DYM: variants seen among roughly 807,000 people sequenced by gnomAD.
DYM encodes the protein dyggve-Melchior-Clausen syndrome protein.
A neutral mutation model predicts 93.1 loss-of-function variants in DYM; 78 were observed. That is an observed-to-expected ratio of 0.84 (90% CI 0.70 to 1.01). The LOEUF is 1.01. Ranked by LOEUF, DYM falls within the 50% of genes least tolerant of loss-of-function variation. The pLI is 0.00. For synonymous variants in DYM, 321 were observed against 319.7 expected, an observed-to-expected ratio of 1.00 and a Z score of -0.04; for missense variants, 789 against 845.0, an observed-to-expected ratio of 0.93 and a Z score of 0.82.
At chr18:49,164,435 T>A (rs569311780) in intron 14 of DYM, among the ~76,000 whole-genome samples, 5 of 152,108 alleles carry the variant, frequency 3.3e-5, no homozygotes, top group African/African-American at 1.2e-4. Flanking sequence ...ATGAGCCCCA[T>A]AATGGTGAGC....
At chr18:49,161,420 A>G (rs2087114437) in intron 15 of DYM, among the ~76,000 whole-genome samples, 1 of 152,238 alleles carries the variant, frequency 6.6e-6, no homozygotes, top group African/African-American at 2.4e-5. Flanking sequence ...TACATATTCA[A>G]CACATTTTTG....
At chr18:49,441,557 C>G (rs955744026) in intron 1 of DYM, among the ~76,000 whole-genome samples, 1 of 149,842 alleles carries the variant, frequency 6.7e-6, no homozygotes, top group African/African-American at 2.5e-5. Context: ...GCTCCAAGTG[C>G]TATATTAAGT....
intron 14 of DYM, chr18:49,206,672 TG>T (rs1600650382): frequency 1.3e-5 from 2 of 152,824 alleles, no homozygotes; most frequent in Non-Finnish European, 2.9e-5. Context: ...GAAAGTTGGT[TG>T]GGGGTATGGG....
In DYM at chr18:49,039,919, C is replaced by G. The variant is rs950764849; in HGVS notation, c.*4136G>C. The G allele has an allele frequency of 6.6e-6, 1 of 152,218 alleles. No homozygotes were observed. 9.4% of individuals were successfully genotyped at this position (152,218 alleles called of 1,614,324 possible). On this transcript the variant is annotated 3_prime_UTR_variant, in exon 18 of 18. Coordinates refer to ENST00000675505, the MANE Select transcript of DYM (RefSeq NM_001353214.3). ...ATTCAAGTAATTAATGTTGTCTGGTCTTCTCCCATACCTGGGTATTTCTGA... is the reference window on the plus strand; with the variant it reads ...ATTCAAGTAATTAATGTTGTCTGGTGTTCTCCCATACCTGGGTATTTCTGA...
chr18:49,339,512 C>T (rs2063928906), intron 6 of DYM, among the ~76,000 whole-genome samples: 2 of 152,162 alleles, frequency 1.3e-5, no homozygotes, highest in African/African-American at 2.4e-5. Flanking sequence ...ACTGAGAGGT[C>T]TACACGGCAA....
At chr18:49,056,135 T>C (rs2075457749) in intron 17 of DYM, among the ~76,000 whole-genome samples, 1 of 152,206 alleles carries the variant, frequency 6.6e-6, no homozygotes, top group Non-Finnish European at 1.5e-5. Context: ...TGTCACCCTC[T>C]GCTCCCACTT....
chr18:49,286,480 C>T lies in DYM; in HGVS notation c.900G>A (p.Ala300=), dbSNP rs142473333. Reference sequence around the variant, plus strand: ...TAATGGCTTGTCTGTAGGGGTTTGGCGCATCTGAGGCATCTGTCAGATTGG... The same window carrying T: ...TAATGGCTTGTCTGTAGGGGTTTGGTGCATCTGAGGCATCTGTCAGATTGG... ...VLANLTDASD[A]PNPYRQAIMS... is the part of the protein sequence containing the mutation. Residue 300 remains alanine, a synonymous_variant, in exon 9 of 18, where the codon GCG becomes GCA. Transcript: ENST00000675505. 6.0e-5 allele frequency: 97 copies of T among 1,613,964 alleles called. No individual in the cohort carries two copies. The highest frequency in any genetic ancestry group is 1.6e-4 in the Middle Eastern group (1 of 6,082).
intron 6 of DYM, among the ~76,000 whole-genome samples, chr18:49,355,688 T>C (rs1255682970): frequency 6.6e-6 from 1 of 152,170 alleles, no homozygotes; most frequent in African/African-American, 2.4e-5. Flanking sequence ...TGGCTTGACA[T>C]TAATAACTGC....
At chr18:49,056,232 C>T (rs1259287434) in intron 17 of DYM, among the ~76,000 whole-genome samples, 1 of 152,192 alleles carries the variant, frequency 6.6e-6, no homozygotes, top group Non-Finnish European at 1.5e-5. Context: ...GCTAGCATTG[C>T]CACAGAGCCC....
At chr18:49,432,329 C>CAAAAAA (rs11429840) in intron 1 of DYM, among the ~76,000 whole-genome samples, 14 of 75,776 alleles carry the variant, frequency 1.8e-4, no homozygotes, top group Non-Finnish European at 2.2e-4. Flanking sequence ...AAGACTGTCT[C>CAAAAAA]AAAAAAAAAA....
chr18:49,387,726 T>C (rs764149400), intron 3 of DYM, among the ~76,000 whole-genome samples: 15 of 152,176 alleles, frequency 9.9e-5, no homozygotes, highest in Non-Finnish European at 1.6e-4. Flanking sequence ...CATAGTATAA[T>C]GTAAACATAA....
intron 5 of DYM, 133 bp downstream of exon 5, chr18:49,378,434 A>G (rs2067719392): frequency 1.2e-6 from 1 of 841,482 alleles, no homozygotes; most frequent in Non-Finnish European, 1.8e-6. Context: ...AGAAAAAATG[A>G]CAGTATAAGT....
At chr18:49,336,795 A>T (rs755934707) in intron 6 of DYM, among the ~76,000 whole-genome samples, 3 of 152,196 alleles carry the variant, frequency 2.0e-5, no homozygotes, top group Non-Finnish European at 2.9e-5. Context: ...TCCAAAAAGG[A>T]CTATAAAGGA....
chr18:49,106,678 T>C (rs889709074), intron 16 of DYM, among the ~76,000 whole-genome samples: 3 of 152,236 alleles, frequency 2.0e-5, no homozygotes, highest in African/African-American at 7.2e-5. Flanking sequence ...TTAGTTTGGC[T>C]GGATATGAAA....
intron 2 of DYM, among the ~76,000 whole-genome samples, chr18:49,415,837 G>T (rs1211642438): frequency 2.0e-5 from 3 of 150,738 alleles, no homozygotes; most frequent in African/African-American, 7.3e-5. Context: ...TGAGGCAGGA[G>T]AATCACTTGA....
chr18:49,405,012 CAAAA>C (rs199975015), intron 2 of DYM, among the ~76,000 whole-genome samples: 1 of 102,182 alleles, frequency 9.8e-6, no homozygotes. Flanking sequence ...GACTCCATCT[CAAAA>C]AAAAAAAAAA....
chr18:49,127,893 G>A (rs1381868722), intron 15 of DYM, among the ~76,000 whole-genome samples: 1 of 152,150 alleles, frequency 6.6e-6, no homozygotes, highest in East Asian at 1.9e-4. Context: ...AGTGGGAGGG[G>A]GAGGCGGTGA....
intron 5 of DYM, among the ~76,000 whole-genome samples, chr18:49,367,888 T>C (rs751554902): frequency 7.9e-6 from 1 of 126,054 alleles, no homozygotes; most frequent in South Asian, 2.6e-4. Flanking sequence ...AATTAAATTA[T>C]ATTTATTAAA....
intron 17 of DYM, among the ~76,000 whole-genome samples, chr18:49,055,169 C>G (rs2075366252): frequency 6.6e-6 from 1 of 152,064 alleles, no homozygotes; most frequent in Admixed American, 6.6e-5. Context: ...GCTGGAACTG[C>G]ATGTGGAGGG....
Sources: allele counts gnomAD v4.1 joint callset (sites outside exome capture counted in the v4.1 genomes callset), GRCh38; gene constraint gnomAD v4.1.1; transcripts MANE v1.5; gene names NCBI Gene and HGNC (gene_info 2026-07-23, HGNC 2026-07-21).